The following CNTNAP2 variants were observed in gnomAD, a reference collection of about 807,000 sequenced individuals.
CNTNAP2 encodes the protein contactin-associated protein-like 2.
CNTNAP2 carries 98 observed loss-of-function variants against 155.2 expected under a neutral mutation model. That is an observed-to-expected ratio of 0.63 (90% CI 0.54 to 0.75). The LOEUF (loss-of-function observed/expected upper bound fraction) is 0.75. Among genes scored for constraint, CNTNAP2 ranks in the 30% least tolerant of loss-of-function variants. The pLI is 0.00. For missense variants in CNTNAP2, 1,727 were observed against 1,688.1 expected, an observed-to-expected ratio of 1.02 and a Z score of -0.40; for synonymous variants, 651 against 631.2, an observed-to-expected ratio of 1.03 and a Z score of -0.47.
At chr7:147,915,626 CGG>C (rs1800145565) in intron 14 of CNTNAP2, among the ~76,000 whole-genome samples, 3 of 150,170 alleles carry the variant, frequency 2.0e-5, no homozygotes, top group Non-Finnish European at 4.4e-5. Flanking sequence ...GATACATAAA[CGG>C]AGATGCCCTC....
rs952641075 is a variant in CNTNAP2 at position 148,117,448 on chromosome 7, G to A, written c.2384-670G>A. ...CGTTCCCGGCTCCTCACCTCCTCCA[G>A]GCTCCGTCAGTTGTATTCCTGAAGC... On this transcript the variant is annotated intron_variant, in intron 15 of 23. Coordinates refer to ENST00000361727, the MANE Select transcript of CNTNAP2 (RefSeq NM_014141.6). Among the ~76,000 whole-genome samples the A allele has an allele frequency of 2.0e-5, 3 of 152,180 alleles. No homozygotes were observed. In the South Asian group the frequency reaches 6.2e-4, roughly 31 times the overall value.
intron 15 of CNTNAP2, among the ~76,000 whole-genome samples, chr7:148,096,658 G>A (rs1331394263): frequency 3.3e-5 from 5 of 152,048 alleles, no homozygotes; most frequent in African/African-American, 4.8e-5. Context: ...AGACAGGAGA[G>A]CATCGAAACC....
intron 9 of CNTNAP2, among the ~76,000 whole-genome samples, chr7:147,392,455 A>G (rs190510932): frequency 6.6e-6 from 1 of 151,994 alleles, no homozygotes; most frequent in African/African-American, 2.4e-5. Flanking sequence ...TGGTGCACCC[A>G]TCACCTTAGC....
intron 2 of CNTNAP2, among the ~76,000 whole-genome samples, chr7:146,810,402 C>T (rs1460430857): frequency 1.3e-5 from 2 of 150,902 alleles, no homozygotes; most frequent in African/African-American, 4.9e-5. Flanking sequence ...GACCTTTCAC[C>T]TCCTAGGTTA....
chr7:147,753,727 A>T (rs970760571), intron 13 of CNTNAP2, among the ~76,000 whole-genome samples: 1 of 152,178 alleles, frequency 6.6e-6, no homozygotes, highest in African/African-American at 2.4e-5. Context: ...AGGTCGCACA[A>T]TTCACTACAT....
intron 1 of CNTNAP2, among the ~76,000 whole-genome samples, chr7:146,430,215 A>G (rs796617238): frequency 2.7e-4 from 41 of 150,840 alleles, no homozygotes; most frequent in African/African-American, 9.8e-4. Context: ...CTCTGCCAGG[A>G]TGTAACCCAT....
intron 13 of CNTNAP2, among the ~76,000 whole-genome samples, chr7:147,656,172 G>C (rs1411019491): frequency 6.6e-6 from 1 of 152,172 alleles, no homozygotes; most frequent in Non-Finnish European, 1.5e-5. Context: ...ATGGCTTAAG[G>C]GAATGTTGTG....
intron 1 of CNTNAP2, among the ~76,000 whole-genome samples, chr7:146,649,279 A>C (rs1799865976): frequency 6.6e-6 from 1 of 152,110 alleles, no homozygotes; most frequent in South Asian, 2.1e-4. Context: ...CAATAATAGA[A>C]CCAAGTTTTA....
chr7:146,885,192 T>C (rs1795631609), intron 3 of CNTNAP2, among the ~76,000 whole-genome samples: 1 of 152,180 alleles, frequency 6.6e-6, no homozygotes, highest in South Asian at 2.1e-4. Flanking sequence ...TATAATTTGC[T>C]TCCGAAATGT....
chr7:146,860,579 G>T (rs1485089778), intron 3 of CNTNAP2, among the ~76,000 whole-genome samples: 1 of 152,074 alleles, frequency 6.6e-6, no homozygotes, highest in African/African-American at 2.4e-5. Flanking sequence ...AAGAAAAATG[G>T]ATCATATTGA....
chr7:146,985,533 G>A (rs1700444719), intron 3 of CNTNAP2, among the ~76,000 whole-genome samples: 1 of 151,874 alleles, frequency 6.6e-6, no homozygotes, highest in Non-Finnish European at 1.5e-5. Flanking sequence ...TGTTAGCCAG[G>A]ATGGTCTCGA....
intron 18 of CNTNAP2, among the ~76,000 whole-genome samples, chr7:148,205,782 A>G (rs1018009046): frequency 1.3e-5 from 2 of 152,202 alleles, no homozygotes; most frequent in Non-Finnish European, 2.9e-5. Flanking sequence ...ATTTAATTCC[A>G]TTCGGCTCAA....
rs140369223 is a variant in CNTNAP2 at position 147,642,435 on chromosome 7, C to T, written c.2098+3129C>T. The stretch of plus-strand genomic sequence containing the variant: ...GTGGGAAAATAGTTCACCTTTAGTG[C>T]TCCTGGTCTTGCAGTTCAGCATCTT... On this transcript the variant is annotated intron_variant, in intron 13 of 23. Transcript: ENST00000361727. Among the ~76,000 whole-genome samples the T allele has an allele frequency of 2.1e-3, 318 of 152,064 alleles. 2 individuals are homozygous for T. The highest frequency in any genetic ancestry group is 7.3e-3 in the African/African-American group (303 of 41,460).
chr7:147,331,569 G>A (rs1158525716), intron 9 of CNTNAP2, among the ~76,000 whole-genome samples: 1 of 151,892 alleles, frequency 6.6e-6, no homozygotes, highest in African/African-American at 2.4e-5. Flanking sequence ...AAGCAGTGAG[G>A]GACAGCAGCA....
rs116810896 is a variant in CNTNAP2, at chr7:146,496,593, G to A, written c.98-277678G>A. Reference sequence around the variant, plus strand: ...ATCTTCTAGAAGGGTTTTGCTTTCCGAGGCTCTGGCAAACTGGTTGGAAGC... The same window carrying A: ...ATCTTCTAGAAGGGTTTTGCTTTCCAAGGCTCTGGCAAACTGGTTGGAAGC... On this transcript the variant is annotated intron_variant, in intron 1 of 23. Transcript: ENST00000361727. 3.7e-3 allele frequency among the ~76,000 whole-genome samples: 560 copies of A among 152,206 alleles called. 2 individuals are homozygous for A. The highest frequency in any genetic ancestry group is 0.017 in the Middle Eastern group (5 of 294).
chr7:148,006,718 T>G (rs1238983902), intron 15 of CNTNAP2, among the ~76,000 whole-genome samples: 1 of 152,084 alleles, frequency 6.6e-6, no homozygotes, highest in African/African-American at 2.4e-5. Context: ...TTTCTTTTTT[T>G]TTTCTTTAGT....
intron 22 of CNTNAP2, among the ~76,000 whole-genome samples, chr7:148,404,382 T>G (rs185695307): frequency 4.6e-4 from 70 of 152,346 alleles, no homozygotes; most frequent in African/African-American, 1.6e-3. Flanking sequence ...AAGAAAAGGA[T>G]AGTAAACCAG....
intron 17 of CNTNAP2, among the ~76,000 whole-genome samples, chr7:148,170,908 C>T (rs1585165321): frequency 1.3e-5 from 2 of 152,300 alleles, no homozygotes; most frequent in African/African-American, 4.8e-5. Context: ...ACTGACTACT[C>T]CATGTTTAAA....
At chr7:148,293,594 G>A (rs1044902672) in intron 21 of CNTNAP2, among the ~76,000 whole-genome samples, 71 of 152,170 alleles carry the variant, frequency 4.7e-4, no homozygotes, top group African/African-American at 1.7e-3. Flanking sequence ...CTAGCAAGAT[G>A]GATGAGGATT....
Sources: gnomAD v4.1 joint callset for allele counts (sites outside exome capture counted in the v4.1 genomes callset) on GRCh38, gnomAD v4.1.1 for gene constraint, MANE v1.5 for transcripts, NCBI Gene and HGNC (gene_info 2026-07-23, HGNC 2026-07-21) for gene names.